Variants in GRIN3A observed in about 807,000 individuals in gnomAD.
GRIN3A encodes the protein glutamate receptor ionotropic, NMDA 3A.
In GRIN3A, 47 loss-of-function variants were observed where a neutral mutation model predicts 92.4. The ratio of observed to expected loss-of-function variants is 0.51; its 90% CI spans 0.40 to 0.65. The LOEUF is 0.65. Among genes scored for constraint, GRIN3A ranks in the 30% least tolerant of loss-of-function variants. The pLI is 0.00. For synonymous variants in GRIN3A, 527 were observed against 540.6 expected, an observed-to-expected ratio of 0.97 and a Z score of 0.35; for missense variants, 1,324 against 1,393.1, an observed-to-expected ratio of 0.95 and a Z score of 0.79.
chr9:101,599,378 G>A (rs1177954082), intron 6 of GRIN3A, among the ~76,000 whole-genome samples: 1 of 152,134 alleles, frequency 6.6e-6, no homozygotes, highest in Non-Finnish European at 1.5e-5. Flanking sequence ...TGCTAGATCT[G>A]GAGTTTTAGT....
At position 101,738,250 on chromosome 9, in the gene GRIN3A, G is replaced by T; in HGVS notation, c.-271C>A. The T allele has an allele frequency of 2.0e-6, 1 of 501,712 alleles. No homozygotes were observed. Among genetic ancestry groups the T allele is most frequent in the Non-Finnish European group, 3.6e-6 (1 of 280,294 alleles). The allele number at this position is 501,712 out of a possible 1,614,324, so 31.1% of individuals were successfully genotyped here. On this transcript the variant is annotated 5_prime_UTR_variant, in exon 1 of 9. Transcript: ENST00000361820. ...CAGGCAGGCGGGCGGGCCGGCGCCT[G>T]TCACCCGCAGCTGGAGCGCCCGTTC...
intron 4 of GRIN3A, among the ~76,000 whole-genome samples, chr9:101,627,560 G>A (rs1828650720): frequency 6.6e-6 from 1 of 152,152 alleles, no homozygotes; most frequent in South Asian, 2.1e-4. Context: ...GCAGGAGGGA[G>A]AGGACTACTC....
At chr9:101,596,382 T>A (rs936787349) in intron 6 of GRIN3A, among the ~76,000 whole-genome samples, 1 of 152,236 alleles carries the variant, frequency 6.6e-6, no homozygotes, top group African/African-American at 2.4e-5. Flanking sequence ...TGCTTTTCAG[T>A]TATTCAGAGA....
At chr9:101,604,192 G>C (rs1828246970) in intron 6 of GRIN3A, among the ~76,000 whole-genome samples, 1 of 151,852 alleles carries the variant, frequency 6.6e-6, no homozygotes, top group Non-Finnish European at 1.5e-5. Flanking sequence ...GGGAGAAAGA[G>C]AGAAAGAAAG....
chr9:101,633,772 C>A (rs898410659), intron 3 of GRIN3A, among the ~76,000 whole-genome samples: 1 of 151,000 alleles, frequency 6.6e-6, no homozygotes, highest in African/African-American at 2.4e-5. Context: ...AAAAATTGTC[C>A]ACAAAATCGG....
intron 1 of GRIN3A, among the ~76,000 whole-genome samples, chr9:101,702,786 C>T (rs998579197): frequency 3.3e-5 from 5 of 152,166 alleles, no homozygotes; most frequent in Admixed American, 1.3e-4. Context: ...ACTCTAGATA[C>T]CCCTGCCAAA....
chr9:101,692,412 G>C (rs1829631380), intron 1 of GRIN3A, among the ~76,000 whole-genome samples: 1 of 152,104 alleles, frequency 6.6e-6, no homozygotes, highest in Admixed American at 6.6e-5. Context: ...GCTAGTTTGT[G>C]GATTAGTAAG....
At chr9:101,666,055 G>T (rs1434339805) in intron 3 of GRIN3A, among the ~76,000 whole-genome samples, 1 of 151,902 alleles carries the variant, frequency 6.6e-6, no homozygotes, top group East Asian at 1.9e-4. Flanking sequence ...GGAGCTGCAT[G>T]AATTTATGAG....
rs13284303 is a variant in GRIN3A, at chr9:101,671,065, G to A, written c.1347C>T (p.Ile449=). 0.16 allele frequency: 264,987 copies of A among 1,612,980 alleles called. 22,887 individuals are homozygous for A. Among genetic ancestry groups the A allele is most frequent in the Admixed American group, 0.21 (12,393 of 59,978 alleles). Residue 449 remains isoleucine, a synonymous_variant, in exon 3 of 9, where the codon ATC becomes ATT. Transcript: ENST00000361820. ...TGACGATGGTGGAACCTTTTACTCT[G>A]ATGGAACCACTGAGGCCTCTGAAAG... The part of the protein sequence containing the change: ...NTTFRGLSGS[I]RVKGSTIVSS...
At chr9:101,666,999 A>G (rs924717399) in intron 3 of GRIN3A, among the ~76,000 whole-genome samples, 5 of 152,168 alleles carry the variant, frequency 3.3e-5, no homozygotes, top group African/African-American at 4.8e-5. Context: ...AAAAATGGCC[A>G]TGGATCTATA....
chr9:101,728,949 T>A (rs71509739), intron 1 of GRIN3A, among the ~76,000 whole-genome samples: 195 of 152,306 alleles, frequency 1.3e-3, no homozygotes, highest in African/African-American at 4.5e-3. Context: ...TAAGCCATAT[T>A]GTTACTGTGA....
intron 3 of GRIN3A, among the ~76,000 whole-genome samples, chr9:101,667,051 T>C (rs777228261): frequency 1.3e-5 from 2 of 151,998 alleles, no homozygotes; most frequent in African/African-American, 2.4e-5. Flanking sequence ...AGATCCTCTG[T>C]TATCTCAATT....
chr9:101,622,255 A>G (rs531464527), intron 5 of GRIN3A, among the ~76,000 whole-genome samples: 17 of 152,230 alleles, frequency 1.1e-4, no homozygotes, highest in Admixed American at 2.6e-4. Flanking sequence ...TGAAATCAGA[A>G]TAGTCTTGAT....
chr9:101,595,830 C>T (rs944794030), intron 6 of GRIN3A, among the ~76,000 whole-genome samples: 49 of 152,310 alleles, frequency 3.2e-4, no homozygotes, highest in African/African-American at 1.1e-3. Flanking sequence ...GGCTATTCTG[C>T]AGAATACCTT....
intron 3 of GRIN3A, among the ~76,000 whole-genome samples, chr9:101,648,098 A>G (rs543509176): frequency 5.4e-4 from 82 of 151,498 alleles, no homozygotes; most frequent in Non-Finnish European, 1.0e-3. Flanking sequence ...TGGTGTGTTT[A>G]TTGCTGTAAA....
intron 3 of GRIN3A, among the ~76,000 whole-genome samples, chr9:101,652,634 G>A (rs1305270783): frequency 6.6e-6 from 1 of 151,982 alleles, no homozygotes; most frequent in Non-Finnish European, 1.5e-5. Context: ...ATGCCCTGCA[G>A]CTGTAGTTTT....
At chr9:101,664,244 AGTAGAT>A (rs1443483742) in intron 3 of GRIN3A, among the ~76,000 whole-genome samples, 19 of 151,998 alleles carry the variant, frequency 1.3e-4, no homozygotes, top group Admixed American at 3.9e-4. Context: ...ATGATGAGGT[AGTAGAT>A]GCTTGCTTCC....
intron 4 of GRIN3A, among the ~76,000 whole-genome samples, chr9:101,624,236 T>A (rs1828599154): frequency 6.6e-6 from 1 of 151,958 alleles, no homozygotes; most frequent in Non-Finnish European, 1.5e-5. Flanking sequence ...ATTTTATTAT[T>A]ATTATACTTT....
At chr9:101,647,353 GT>G (rs1251531039) in intron 3 of GRIN3A, among the ~76,000 whole-genome samples, 1 of 151,716 alleles carries the variant, frequency 6.6e-6, no homozygotes, top group Non-Finnish European at 1.5e-5. Context: ...CTACTTGGTC[GT>G]GGTGAATGAT....
Sources: allele counts gnomAD v4.1 joint callset (sites outside exome capture counted in the v4.1 genomes callset), GRCh38; gene constraint gnomAD v4.1.1; transcripts MANE v1.5; gene names NCBI Gene and HGNC (gene_info 2026-07-23, HGNC 2026-07-21).